Variants in HIRA observed in about 807,000 individuals in gnomAD.
HIRA encodes protein HIRA.
A neutral mutation model predicts 126.6 loss-of-function variants in HIRA; 13 were observed. The ratio of observed to expected loss-of-function variants is 0.10; its 90% CI spans 0.07 to 0.16. The LOEUF (loss-of-function observed/expected upper bound fraction) is 0.16. HIRA is among the 10% of genes least tolerant of loss of function. HIRA has a pLI of 1.00. For synonymous variants in HIRA, 511 were observed against 520.0 expected (o/e 0.98, Z 0.24); for missense variants, 834 against 1,314.4 (o/e 0.63, Z 5.65).
intron 1 of HIRA, 123 bp from the exon 2 acceptor site, chr22:19,410,901 A>G: frequency 2.5e-6 from 2 of 800,970 alleles, no homozygotes; most frequent in Non-Finnish European, 4.1e-6. Flanking sequence ...CAGACAACTG[A>G]AAGTCCAACA....
rs2089471179 is a variant in HIRA at position 19,424,203 on chromosome 22, G to T, written c.37+7237C>A. Among the ~76,000 whole-genome samples the T allele has an allele frequency of 2.0e-5, 3 of 152,196 alleles. No individual in the cohort carries two copies. In the South Asian group the frequency reaches 6.2e-4, roughly 31 times the overall value. ...CAGGAGCATATGCTCCCCCAGGGAG[G>T]TGTCTAATAGAACTCCAGTTTTATT... On this transcript the variant is annotated intron_variant, in intron 1 of 24. Coordinates refer to ENST00000263208, the MANE Select transcript of HIRA (RefSeq NM_003325.4).
intron 1 of HIRA, among the ~76,000 whole-genome samples, chr22:19,429,245 C>T (rs1030862443): frequency 3.6e-5 from 5 of 139,370 alleles, no homozygotes; most frequent in Non-Finnish European, 6.0e-5. Flanking sequence ...TCAAGCGATT[C>T]TCCTGTCTCA....
In HIRA at chr22:19,394,492, A is replaced by T; in HGVS notation, c.672T>A (p.His224Gln). 2 of 1,614,134 alleles carry T rather than the reference A, an allele frequency of 1.2e-6. No individual in the cohort carries two copies. Among genetic ancestry groups the T allele is most frequent in the African/African-American group, 1.3e-5 (1 of 75,044 alleles). Reference sequence around the variant, plus strand: ...CAGGTGACCAGCTGAGCCGCAACACATGGGTCGTTCCTCCACACTGAAAGA... The same window carrying T: ...CAGGTGACCAGCTGAGCCGCAACACTTGGGTCGTTCCTCCACACTGAAAGA... ...KPFDECGGTT[H>Q]VLRLSWSPDG... Residue 224 changes from histidine (H) to glutamine (Q), a missense_variant, in exon 8 of 25, where the codon CAT (histidine) becomes CAA (glutamine). Coordinates refer to ENST00000263208, the MANE Select transcript of HIRA (RefSeq NM_003325.4).
Position 19,356,242 on chromosome 22 carries a change from A to G in HIRA, c.2443T>C (p.Ser815Pro). 1 of 1,614,052 alleles carries G rather than the reference A, an allele frequency of 6.2e-7. No individual in the cohort carries two copies. Among genetic ancestry groups the G allele is most frequent in the Non-Finnish European group, 8.5e-7 (1 of 1,179,900 alleles). The change falls in exon 20 of 25, where the codon TCC (serine) becomes CCC (proline). Residue 815 changes from serine to proline, a missense_variant. Ser to Pro is a moderately conservative substitution (Grantham distance 74). Around this residue, in one of 5 missense-constraint regions of HIRA, gnomAD observed 468 missense variants for 574.2 expected, o/e 0.82. Transcript: ENST00000263208. ...VVVVKEESLH[S>P]ILAGSDMTVS... is the part of the protein sequence containing the mutation. ...TTGCCTGCATTACCTGCCAGGATGG[A>G]GTGTAGAGACTCTTCTTTCACCACA...
intron 5 of HIRA, chr22:19,405,477 G>C: frequency 1.0e-6 from 1 of 985,140 alleles, no homozygotes; most frequent in Non-Finnish European, 1.2e-6. Context: ...TTAGTGATCC[G>C]CTGATGAAGG....
Position 19,356,931 on chromosome 22 carries a change from G to A in HIRA, c.2355C>T (p.Ser785=). 6.2e-7 allele frequency: 1 copy of A among 1,613,990 alleles called. No individual in the cohort carries two copies. Among genetic ancestry groups the A allele is most frequent in the Non-Finnish European group, 8.5e-7 (1 of 1,180,028 alleles). The change falls in exon 19 of 25, where the codon TCC becomes TCT. Residue 785 remains serine, a synonymous_variant. Coordinates refer to ENST00000263208, the MANE Select transcript of HIRA (RefSeq NM_003325.4). The part of the protein sequence containing the change: ...SPISTLHCTG[S]YVMALTAAAT... Reference sequence around the variant, plus strand: ...CTGCAGCGGTGAGCGCCATGACGTAGGAGCCTGTGCAATGCAAAGTAGAGA... The same window carrying A: ...CTGCAGCGGTGAGCGCCATGACGTAAGAGCCTGTGCAATGCAAAGTAGAGA...
chr22:19,373,347 A>G (rs2088985542), intron 15 of HIRA, among the ~76,000 whole-genome samples: 1 of 152,182 alleles, frequency 6.6e-6, no homozygotes, highest in South Asian at 2.1e-4. Flanking sequence ...CCATCTGACA[A>G]TTCTATGATC....
In HIRA at chr22:19,351,208, T is replaced by A; in HGVS notation, c.2937+150A>T. On this transcript the variant is annotated intron_variant, in intron 24 of 24. Transcript: ENST00000263208. This position sits in a 1 kb window ranked among gnomAD's most constrained non-coding sequence, Gnocchi z 4.8. The stretch of plus-strand genomic sequence containing the variant: ...GCCAGGTTGTGGAGGGCCGTCGGCA[T>A]GTCACCCTCTCACTGATGCTGGGAC... 4 of 1,388,302 alleles carry A rather than the reference T, an allele frequency of 2.9e-6. No individual in the cohort carries two copies. The highest frequency in any genetic ancestry group is 3.7e-6 in the Non-Finnish European group (4 of 1,073,934). 86.0% of individuals were successfully genotyped at this position (1,388,302 alleles called of 1,614,324 possible).
intron 13 of HIRA, among the ~76,000 whole-genome samples, chr22:19,379,658 C>CTTTT (rs200202102): frequency 8.2e-6 from 1 of 122,444 alleles, no homozygotes; most frequent in Non-Finnish European, 1.8e-5. Flanking sequence ...TACTTGATTT[C>CTTTT]TTTTTTTTTT....
chr22:19,370,521 T>C (rs892982529), intron 15 of HIRA, among the ~76,000 whole-genome samples: 8 of 152,204 alleles, frequency 5.3e-5, no homozygotes, highest in Non-Finnish European at 7.3e-5. Context: ...TAGGATTGAC[T>C]ACAGGCATGA....
rs1396602844 is a variant in HIRA, at chr22:19,361,757, A to C, written c.1950T>G (p.Ser650=). ...KKKKGRPRKD[S]RLMPVSLSVQ... is the part of the protein sequence containing the mutation. Reference sequence around the variant, plus strand: ...CAGACAGAGACACAGGCATGAGACGAGAGTCCTTCCGAGGCCGCCCTTTCT... The same window carrying C: ...CAGACAGAGACACAGGCATGAGACGCGAGTCCTTCCGAGGCCGCCCTTTCT... The change falls in exon 16 of 25, where the codon TCT becomes TCG. Residue 650 remains serine (S), a synonymous_variant. Coordinates refer to ENST00000263208, the MANE Select transcript of HIRA (RefSeq NM_003325.4). The C allele has an allele frequency of 1.9e-6, 3 of 1,612,798 alleles. No individual in the cohort carries two copies. The East Asian group carries it at 6.7e-5, about 36-fold the overall frequency.
intron 15 of HIRA, among the ~76,000 whole-genome samples, chr22:19,375,314 T>G (rs9306216): frequency 0.16 from 23,839 of 152,126 alleles, 3,962 homozygotes; most frequent in African/African-American, 0.42. Context: ...CTCTCTTCCG[T>G]GCAAACTCTG....
intron 24 of HIRA, among the ~76,000 whole-genome samples, chr22:19,335,780 T>A (rs909218225): frequency 1.3e-5 from 2 of 152,202 alleles, no homozygotes; most frequent in Non-Finnish European, 2.9e-5. Context: ...TAAACCCAAA[T>A]ATCTGGTAGC....
chr22:19,378,092 A>T, intron 13 of HIRA, 26 bp from the exon 14 acceptor site: 1 of 1,501,696 alleles, frequency 6.7e-7, no homozygotes. Flanking sequence ...AACAAAAGTC[A>T]GCCTTGAAAG....
intron 13 of HIRA, among the ~76,000 whole-genome samples, chr22:19,382,881 T>C (rs1473377103): frequency 6.6e-6 from 1 of 152,050 alleles, no homozygotes; most frequent in East Asian, 1.9e-4. Flanking sequence ...AATGAGTCTC[T>C]TCCCCCTTCT....
intron 1 of HIRA, among the ~76,000 whole-genome samples, chr22:19,416,689 A>G (rs188453633): frequency 3.5e-4 from 54 of 152,344 alleles, no homozygotes; most frequent in Non-Finnish European, 6.2e-4. Context: ...ACAGACAATA[A>G]AAGAAAAATA....
intron 4 of HIRA, among the ~76,000 whole-genome samples, 174 bp downstream of exon 4, chr22:19,407,010 G>A (rs369825371): frequency 2.6e-5 from 4 of 152,220 alleles, no homozygotes; most frequent in Admixed American, 2.0e-4. Context: ...AGCTGACCAG[G>A]TCTCCTGAAT....
intron 24 of HIRA, among the ~76,000 whole-genome samples, chr22:19,332,492 T>A (rs2088501788): frequency 2.0e-5 from 3 of 152,190 alleles, no homozygotes. Flanking sequence ...GTTTACTATC[T>A]GGTCCTTTAC....
intron 5 of HIRA, chr22:19,405,440 G>A: frequency 1.0e-6 from 1 of 972,520 alleles, no homozygotes; most frequent in Non-Finnish European, 1.2e-6. Context: ...CTGATTTCTG[G>A]GGAATAAACA....
Sources: gnomAD v4.1 joint callset for allele counts (sites outside exome capture counted in the v4.1 genomes callset) on GRCh38, gnomAD v4.1.1 for gene constraint, gnomAD v4.1.1 regional missense constraint, Gnocchi (gnomAD v3.1) non-coding constraint, MANE v1.5 for transcripts, NCBI Gene and HGNC (gene_info 2026-07-23, HGNC 2026-07-21) for gene names.